CDH23: variants seen among roughly 807,000 people sequenced by gnomAD.
CDH23 encodes cadherin related 23.
CDH23 carries 189 observed loss-of-function variants against 317.1 expected under a neutral mutation model. The ratio of observed to expected loss-of-function variants is 0.60; its 90% CI spans 0.53 to 0.67. The LOEUF is 0.67. Among genes scored for constraint, CDH23 ranks in the 30% least tolerant of loss-of-function variants. The pLI is 0.00. For synonymous variants in CDH23, 1,839 were observed against 1,876.8 expected (o/e 0.98, Z 0.52); for missense variants, 4,401 against 4,592.4 (o/e 0.96, Z 1.20).
intron 3 of CDH23, among the ~76,000 whole-genome samples, chr10:71,450,690 C>T (rs1317196697): frequency 2.6e-5 from 4 of 152,086 alleles, no homozygotes; most frequent in Non-Finnish European, 5.9e-5. Context: ...ATCTTTTTCT[C>T]CTCCAGGACA....
intron 28 of CDH23, chr10:71,713,055 G>A (rs1360538531): frequency 1.4e-6 from 1 of 738,086 alleles, no homozygotes; most frequent in Non-Finnish European, 2.5e-6. Flanking sequence ...ACAGGAGGAA[G>A]ACTTGGCCTC....
At chr10:71,469,265 A>G (rs1851396998) in intron 3 of CDH23, among the ~76,000 whole-genome samples, 1 of 152,072 alleles carries the variant, frequency 6.6e-6, no homozygotes, top group South Asian at 2.1e-4. Flanking sequence ...CATCACCCCC[A>G]GGTTTCCTCA....
intron 3 of CDH23, among the ~76,000 whole-genome samples, chr10:71,462,818 T>G (rs1851068796): frequency 6.6e-6 from 1 of 152,162 alleles, no homozygotes; most frequent in Non-Finnish European, 1.5e-5. Flanking sequence ...AAGCAAAGGC[T>G]CTTCATATGT....
intron 38 of CDH23, among the ~76,000 whole-genome samples, chr10:71,769,111 G>A (rs1840627377): frequency 6.6e-6 from 1 of 152,164 alleles, no homozygotes. Context: ...TTTACTTTTG[G>A]TTTTACATTA....
chr10:71,577,346 G>T (rs1858283880), intron 8 of CDH23, among the ~76,000 whole-genome samples: 2 of 152,110 alleles, frequency 1.3e-5, no homozygotes, highest in South Asian at 4.2e-4. Flanking sequence ...TGCTGTGTGG[G>T]CCATGGTTCC....
At chr10:71,808,240 A>T (rs573603189) in intron 60 of CDH23, among the ~76,000 whole-genome samples, 1 of 152,144 alleles carries the variant, frequency 6.6e-6, no homozygotes, top group South Asian at 2.1e-4. Flanking sequence ...TCTTCTTTTC[A>T]ACTCATCTAT....
chr10:71,467,654 C>T (rs1182434542), intron 3 of CDH23, among the ~76,000 whole-genome samples: 1 of 152,172 alleles, frequency 6.6e-6, no homozygotes, highest in Non-Finnish European at 1.5e-5. Flanking sequence ...GGTTCTGAAC[C>T]TCTCTGTGCC....
intron 14 of CDH23, among the ~76,000 whole-genome samples, chr10:71,662,377 C>A (rs1863712503): frequency 6.6e-6 from 1 of 152,270 alleles, no homozygotes; most frequent in Middle Eastern, 3.4e-3. Context: ...AGTGACCAGC[C>A]TCCACCCAGG....
intron 3 of CDH23, among the ~76,000 whole-genome samples, chr10:71,499,055 A>G (rs1564617333): frequency 6.6e-6 from 1 of 152,266 alleles, no homozygotes; most frequent in Non-Finnish European, 1.5e-5. Flanking sequence ...TATATACACA[A>G]TGGAATACTA....
intron 14 of CDH23, among the ~76,000 whole-genome samples, chr10:71,673,839 A>T (rs1272439832): frequency 6.6e-6 from 1 of 152,146 alleles, no homozygotes; most frequent in African/African-American, 2.4e-5. Context: ...TGCCGTTGTG[A>T]GGAATGGCAC....
rs41281306 is a variant in CDH23 at position 71,694,221 on chromosome 10, G to A, written c.2251G>A (p.Gly751Arg). The A allele has an allele frequency of 1.1e-4, 170 of 1,613,388 alleles. No homozygotes were observed. Among genetic ancestry groups the A allele is most frequent in the Non-Finnish European group, 1.3e-4 (150 of 1,179,728 alleles). ...CATCCTCATCGTTCGCGCAGTGGAC[G>A]GGGGTGTGGGCCACAACCAGAAAAC... is the stretch of plus-strand genomic sequence containing the variant. ...EYILIVRAVD[G>R]GVGHNQKTGI... Residue 751 changes from glycine (G) to arginine (R), a missense_variant, in exon 21 of 70, where the codon GGG (glycine) becomes AGG (arginine). Coordinates refer to ENST00000224721, the MANE Select transcript of CDH23 (RefSeq NM_022124.6).
At chr10:71,677,746 G>T (rs1260083137) in intron 16 of CDH23, 53 bp downstream of exon 16, 5 of 1,403,044 alleles carry the variant, frequency 3.6e-6, no homozygotes, top group Non-Finnish European at 3.9e-6. Context: ...CCTTCTCCCT[G>T]TACTTGCTTG....
Position 71,615,580 on chromosome 10 carries a change from C to G in CDH23, c.909C>G (p.Asn303Lys). 1.2e-6 allele frequency: 2 copies of G among 1,613,954 alleles called. No individual in the cohort carries two copies. Among genetic ancestry groups the G allele is most frequent in the Non-Finnish European group, 1.7e-6 (2 of 1,179,826 alleles). Reference protein sequence around the residue: ...LTLNGLLDRENPLYSHGFILT... With the variant: ...LTLNGLLDREKPLYSHGFILT... ...TGAATGGCCTGCTGGACCGGGAGAACCCCCTGTACAGCCATGGCTTCATCC... is the reference window on the plus strand; with the variant it reads ...TGAATGGCCTGCTGGACCGGGAGAAGCCCCTGTACAGCCATGGCTTCATCC... Residue 303 changes from asparagine (N) to lysine (K), a missense_variant, in exon 10 of 70, where the codon AAC becomes AAG. By Grantham distance (94) the Asn-to-Lys change is moderately conservative (BLOSUM62 0). This residue lies in a region of CDH23 where 3,068 missense variants were observed against 3,203.3 expected (regional missense o/e 0.96). Transcript: ENST00000224721.
chr10:71,401,108 G>T (rs1393431630), intron 1 of CDH23, among the ~76,000 whole-genome samples: 6 of 152,196 alleles, frequency 3.9e-5, no homozygotes, highest in African/African-American at 1.4e-4. Context: ...GAGTACTTTT[G>T]CCCTCAGTAG....
At chr10:71,657,802 C>A (rs1027637847) in intron 14 of CDH23, among the ~76,000 whole-genome samples, 36 of 151,954 alleles carry the variant, frequency 2.4e-4, no homozygotes, top group Admixed American at 1.3e-3. Context: ...ACCTGAGACT[C>A]CAGCTGTGCT....
In CDH23 at chr10:71,779,367, T is replaced by G; in HGVS notation, c.5288T>G (p.Val1763Gly). 1 of 1,613,642 alleles carries G rather than the reference T, an allele frequency of 6.2e-7. No individual in the cohort carries two copies. Among genetic ancestry groups the G allele is most frequent in the Non-Finnish European group, 8.5e-7 (1 of 1,179,800 alleles). Residue 1763 changes from valine to glycine, a missense_variant, in exon 41 of 70, where the codon GTG becomes GGG. By Grantham distance (109) the Val-to-Gly change is moderately radical. This residue lies in a region of CDH23 where 3,068 missense variants were observed against 3,203.3 expected (regional missense o/e 0.96). Transcript: ENST00000224721. ...EVTEGQPGPR[V>G]WTFLAHDRDS... ...ACTGAGGGCCAGCCGGGGCCCAGAG[T>G]GTGGACCTTCCTGGCCCATGACCGA...
chr10:71,469,794 G>A (rs777115299), intron 3 of CDH23, among the ~76,000 whole-genome samples: 1 of 152,100 alleles, frequency 6.6e-6, no homozygotes, highest in African/African-American at 2.4e-5. Flanking sequence ...TAGTAGAGAT[G>A]GGGTTTCCAC....
At chr10:71,727,554 C>T (rs992718518) in intron 30 of CDH23, among the ~76,000 whole-genome samples, 2 of 152,218 alleles carry the variant, frequency 1.3e-5, no homozygotes, top group African/African-American at 4.8e-5. Flanking sequence ...CCATCCACAT[C>T]CTCCAGTTCC....
intron 9 of CDH23, among the ~76,000 whole-genome samples, chr10:71,611,125 A>G (rs1255308011): frequency 6.6e-6 from 1 of 152,080 alleles, no homozygotes; most frequent in Non-Finnish European, 1.5e-5. Flanking sequence ...GAAGGCCGAC[A>G]CGGAGGTATC....
Sources: allele counts gnomAD v4.1 joint callset (sites outside exome capture counted in the v4.1 genomes callset), GRCh38; gene constraint gnomAD v4.1.1; regional missense constraint gnomAD v4.1.1; transcripts MANE v1.5; gene names NCBI Gene and HGNC (gene_info 2026-07-23, HGNC 2026-07-21).